The following LPIN1 variants were observed in gnomAD, a reference collection of about 807,000 sequenced individuals.
LPIN1 encodes the protein phosphatidate phosphatase LPIN1.
Under a neutral mutation model 107.5 loss-of-function variants are expected in LPIN1, and 71 were observed. That is an observed-to-expected ratio of 0.66 (90% CI 0.55 to 0.80). LPIN1 has a LOEUF of 0.80. Ranked by LOEUF, LPIN1 falls within the 30% of genes least tolerant of loss-of-function variation. The probability of loss-of-function intolerance (pLI) is 0.00; values close to 1 mark genes in which losing one functional copy is unlikely to be tolerated. For synonymous variants in LPIN1, 445 were observed against 452.6 expected, an observed-to-expected ratio of 0.98 and a Z score of 0.21; for missense variants, 1,043 against 1,160.6, an observed-to-expected ratio of 0.90 and a Z score of 1.47.
chr2:11,804,268 C>G (rs1393843468), intron 15 of LPIN1, among the ~76,000 whole-genome samples, 155 bp from the exon 16 acceptor site: 1 of 152,104 alleles, frequency 6.6e-6, no homozygotes, highest in Admixed American at 6.5e-5. Context: ...AGAACCAGAA[C>G]AAGGAAGGGT....
chr2:11,693,788 G>GTGTATATATATATA (rs1375045563), intron 1 of LPIN1, among the ~76,000 whole-genome samples: 1 of 41,010 alleles, frequency 2.4e-5, no homozygotes, highest in African/African-American at 9.4e-5. Flanking sequence ...GTGTGAGTGT[G>GTGTATATATATATA]TATATATATA....
intron 3 of LPIN1, among the ~76,000 whole-genome samples, chr2:11,769,673 A>G (rs1037137347): frequency 5.9e-5 from 9 of 152,064 alleles, no homozygotes; most frequent in African/African-American, 1.9e-4. Context: ...TGTCATATGC[A>G]TAAAGAGTCC....
chr2:11,753,933 G>A (rs563632496), intron 1 of LPIN1, among the ~76,000 whole-genome samples: 1 of 152,190 alleles, frequency 6.6e-6, no homozygotes, highest in East Asian at 1.9e-4. Flanking sequence ...ACCAGTAACA[G>A]CGTGATGTTT....
At chr2:11,791,630 T>C (rs1675741123) in intron 12 of LPIN1, 1 of 1,271,036 alleles carries the variant, frequency 7.9e-7, no homozygotes, top group East Asian at 5.0e-5. Flanking sequence ...TAATGATTTC[T>C]AATGCTTTCT....
chr2:11,758,010 A>AG (rs1668943164), intron 1 of LPIN1, among the ~76,000 whole-genome samples: 1 of 152,138 alleles, frequency 6.6e-6, no homozygotes, highest in African/African-American at 2.4e-5. Context: ...ATGTAAGTAG[A>AG]GTCATACAGC....
chr2:11,712,393 G>C (rs770686669), intron 1 of LPIN1, among the ~76,000 whole-genome samples: 20 of 152,152 alleles, frequency 1.3e-4, no homozygotes, highest in Non-Finnish European at 2.4e-4. Context: ...TGCCTCCTCT[G>C]TGCTCTCTCT....
rs201237180 is a variant in LPIN1 at position 11,824,716 on chromosome 2, C to T, written c.2706C>T (p.Thr902=). The change falls in exon 21 of 21, where the codon ACC becomes ACT. Residue 902 remains threonine (T), a synonymous_variant. Transcript: ENST00000674199. ...CTTCAGACTTTCCCTGTTCGGATAC[C>T]TTCAGTAACTTCACCTTTTGGAGAG... ...SHSSDFPCSD[T]FSNFTFWREP... 7.5e-5 allele frequency: 121 copies of T among 1,614,182 alleles called. No individual in the cohort carries two copies. The highest frequency in any genetic ancestry group is 9.7e-5 in the Non-Finnish European group (115 of 1,180,032).
At chr2:11,715,228 G>A (rs1371069741) in intron 2 of LPIN1, among the ~76,000 whole-genome samples, 6 of 152,224 alleles carry the variant, frequency 3.9e-5, no homozygotes, top group Admixed American at 3.9e-4. Context: ...TCTCCAGACT[G>A]TGGGGCAGGA....
chr2:11,759,924 G>A (rs1332110892), intron 1 of LPIN1, among the ~76,000 whole-genome samples: 3 of 152,080 alleles, frequency 2.0e-5, no homozygotes, highest in African/African-American at 4.8e-5. Flanking sequence ...CTTCCCAGAC[G>A]GGGCGGCTGC....
rs555476077 is a variant in LPIN1 at position 11,715,333 on chromosome 2, C to T, written c.138+1521C>T. ...AAAGGCAATCCGCTGGCCTCCATCCCCACCCTGCACAGAGCTGGGCTCCCA... is the reference window on the plus strand; with the variant it reads ...AAAGGCAATCCGCTGGCCTCCATCCTCACCCTGCACAGAGCTGGGCTCCCA... On this transcript the variant is annotated intron_variant, in intron 2 of 21. Transcript: ENST00000449576. Among the ~76,000 whole-genome samples, 54 of 152,304 alleles carry T rather than the reference C, an allele frequency of 3.5e-4. 1 individual carries two copies. The highest frequency in any genetic ancestry group is 1.2e-3 in the Admixed American group (18 of 15,308).
At position 11,765,968 on chromosome 2, in the gene LPIN1, G is replaced by A. The variant is rs903168404; in HGVS notation, c.192+235G>A. On this transcript the variant is annotated intron_variant, in intron 2 of 20. Coordinates refer to ENST00000674199, the MANE Select transcript of LPIN1 (RefSeq NM_001349206.2). The surrounding 1 kb of genome is among the most constrained non-coding windows in gnomAD (Gnocchi z 4.4). ...TTAAGCTCCTGTATCTGTGGGTCAGGAATTTAGGCAGAGCACAGTGGGGTG... is the reference window on the plus strand; with the variant it reads ...TTAAGCTCCTGTATCTGTGGGTCAGAAATTTAGGCAGAGCACAGTGGGGTG... Among the ~76,000 whole-genome samples, 12 of 152,340 alleles carry A rather than the reference G, an allele frequency of 7.9e-5. No individual in the cohort carries two copies. The highest frequency in any genetic ancestry group is 2.9e-4 in the African/African-American group (12 of 41,584).
At chr2:11,792,766 C>G (rs1179358307) in intron 13 of LPIN1, among the ~76,000 whole-genome samples, 1 of 152,180 alleles carries the variant, frequency 6.6e-6, no homozygotes, top group Non-Finnish European at 1.5e-5. Context: ...GTCTAAAGGT[C>G]CATGGCTTTG....
At chr2:11,779,401 C>A in intron 6 of LPIN1, 118 bp from the exon 7 acceptor site, 1 of 1,115,610 alleles carries the variant, frequency 9.0e-7, no homozygotes. Flanking sequence ...AGGCTCCGCT[C>A]AGAGCGAACG....
intron 1 of LPIN1, among the ~76,000 whole-genome samples, chr2:11,678,915 G>A (rs1168812962): frequency 6.6e-6 from 1 of 152,260 alleles, no homozygotes; most frequent in Non-Finnish European, 1.5e-5. Context: ...CCGTGCAGGT[G>A]AATGACACCC....
rs1362691901 is a variant in LPIN1, at chr2:11,802,980, C to T, written c.1960C>T (p.Leu654Phe). 1 of 1,613,316 alleles carries T rather than the reference C, an allele frequency of 6.2e-7. No homozygotes were observed. The highest frequency in any genetic ancestry group is 1.3e-5 in the African/African-American group (1 of 75,060). ...AKPSNAGHLP[L>F]LPNVSYKKTL... is the part of the protein sequence containing the mutation. ...GCCATCAAACGCAGGCCACCTCCCT[C>T]TTCTGCCTAATGTCAGCTACAAGAA... is the stretch of plus-strand genomic sequence containing the variant. Residue 654 changes from leucine (L) to phenylalanine (F), a missense_variant, in exon 15 of 21, where the codon CTT becomes TTT. Physicochemically the swap from Leu to Phe is conservative, Grantham distance 22. Transcript: ENST00000674199.
Position 11,795,431 on chromosome 2 carries a change from G to T in LPIN1, c.1830G>T (p.Leu610Phe). The part of the protein sequence containing the change: ...IKEESKPEQC[L>F]AGKAHSTGEQ... The stretch of plus-strand genomic sequence containing the variant: ...AGGAAAGTAAGCCAGAGCAGTGCTT[G>T]GCTGGCAAGGCCCATAGCACCGGAG... The change falls in exon 14 of 21, where the codon TTG becomes TTT. Residue 610 changes from leucine (L) to phenylalanine (F), a missense_variant. Leu to Phe is a conservative substitution (Grantham distance 22, BLOSUM62 0). Coordinates refer to ENST00000674199, the MANE Select transcript of LPIN1 (RefSeq NM_001349206.2). The T allele has an allele frequency of 6.2e-7, 1 of 1,614,068 alleles. No individual in the cohort carries two copies.
intron 2 of LPIN1, among the ~76,000 whole-genome samples, chr2:11,715,998 G>A (rs1474395027): frequency 6.6e-6 from 1 of 152,150 alleles, no homozygotes; most frequent in Non-Finnish European, 1.5e-5. Context: ...CTGGAGGCAG[G>A]GGGGCAGCTT....
At chr2:11,804,163 C>T (rs1019768816) in intron 15 of LPIN1, among the ~76,000 whole-genome samples, 4 of 152,046 alleles carry the variant, frequency 2.6e-5, no homozygotes, top group African/African-American at 9.7e-5. Context: ...TAGCACTATC[C>T]TGGGAAGTAG....
chr2:11,813,870 C>T (rs1020069526), intron 17 of LPIN1, among the ~76,000 whole-genome samples: 17 of 151,882 alleles, frequency 1.1e-4, no homozygotes, highest in African/African-American at 3.1e-4. Context: ...GCCAAGATCA[C>T]GCCACTGCGC....
Sources: gnomAD v4.1 joint callset for allele counts (sites outside exome capture counted in the v4.1 genomes callset) on GRCh38, gnomAD v4.1.1 for gene constraint, Gnocchi (gnomAD v3.1) non-coding constraint, MANE v1.5 for transcripts, NCBI Gene and HGNC (gene_info 2026-07-23, HGNC 2026-07-21) for gene names.